RAB22A: variants seen among roughly 807,000 people sequenced by gnomAD.
RAB22A encodes the protein RAB22A, member RAS oncogene family.
A neutral mutation model predicts 30.2 loss-of-function variants in RAB22A; 13 were observed. The ratio of observed to expected loss-of-function variants is 0.43; its 90% CI spans 0.28 to 0.68. The LOEUF is 0.68. Among genes scored for constraint, RAB22A ranks in the 30% least tolerant of loss-of-function variants. The pLI, the probability that RAB22A is intolerant of heterozygous loss-of-function variation, is 0.18. For synonymous variants in RAB22A, 89 were observed against 87.2 expected (o/e 1.02, Z -0.11); for missense variants, 177 against 246.8 (o/e 0.72, Z 1.89).
intron 6 of RAB22A, 111 bp from the exon 7 acceptor site, chr20:58,359,495 C>CTTTT (rs3069388): frequency 3.1e-4 from 103 of 332,936 alleles, no homozygotes; most frequent in South Asian, 1.3e-3. Flanking sequence ...GTTTATTAAA[C>CTTTT]TTTTTTTTTT....
At chr20:58,357,502 A>G (rs505714) in intron 6 of RAB22A, among the ~76,000 whole-genome samples, 78,829 of 151,950 alleles carry the variant, frequency 0.52, 21,101 homozygotes, top group South Asian at 0.68. Context: ...GTTTAGCTGC[A>G]TTAGGTTTTT....
Position 58,362,874 on chromosome 20 carries a change from C to T in RAB22A, c.*3171C>T, listed in dbSNP as rs1249559293. 6.6e-6 allele frequency: 1 copy of T among 152,200 alleles called. No individual in the cohort carries two copies. Among genetic ancestry groups the T allele is most frequent in the Non-Finnish European group, 1.5e-5 (1 of 68,038 alleles). 9.4% of individuals were successfully genotyped at this position (152,200 alleles called of 1,614,324 possible). On this transcript the variant is annotated 3_prime_UTR_variant, in exon 7 of 7. Coordinates refer to ENST00000244040, the MANE Select transcript of RAB22A (RefSeq NM_020673.3). ...AGGATCGGGACTTTTGTGTGAGAGG[C>T]TTGAGCGCCTCCTCTATGTGGGCTG... is the stretch of plus-strand genomic sequence containing the variant.
At chr20:58,323,140 TTCTC>T (rs1487711211) in intron 2 of RAB22A, among the ~76,000 whole-genome samples, 1 of 152,210 alleles carries the variant, frequency 6.6e-6, no homozygotes, top group African/African-American at 2.4e-5. Flanking sequence ...ATTCTTGAGT[TTCTC>T]TCAGTGTTTT....
chr20:58,316,454 G>C lies in RAB22A; in HGVS notation c.116+5332G>C, dbSNP rs1986341716. ...CCACAGCAGGGATTTTCAAAGCTGA[G>C]GCTTTTTTTCAGACATGCATGTCTC... On this transcript the variant is annotated intron_variant, in intron 2 of 6. Transcript: ENST00000244040. Among the ~76,000 whole-genome samples the C allele has an allele frequency of 2.0e-5, 3 of 152,132 alleles. 1 individual carries two copies. Among genetic ancestry groups the C allele is most frequent in the Admixed American group, 2.0e-4 (3 of 15,276 alleles).
chr20:58,336,370 A>G (rs1314702819), intron 2 of RAB22A, among the ~76,000 whole-genome samples: 1 of 151,696 alleles, frequency 6.6e-6, no homozygotes, highest in Admixed American at 6.6e-5. Context: ...TTTTTGACCC[A>G]CTTCCCTTCG....
intron 3 of RAB22A, 61 bp from the exon 4 acceptor site, chr20:58,353,212 T>C: frequency 2.1e-6 from 3 of 1,421,156 alleles, no homozygotes; most frequent in South Asian, 1.2e-5. Context: ...CTTATAAATC[T>C]AGTATAAAAC....
intron 6 of RAB22A, among the ~76,000 whole-genome samples, chr20:58,359,158 A>G (rs928125079): frequency 6.6e-6 from 1 of 152,206 alleles, no homozygotes; most frequent in Non-Finnish European, 1.5e-5. Flanking sequence ...CCATGTTCTG[A>G]CTGAACTTTT....
chr20:58,322,054 T>G (rs1174017159), intron 2 of RAB22A, among the ~76,000 whole-genome samples: 1 of 152,170 alleles, frequency 6.6e-6, no homozygotes, highest in Admixed American at 6.5e-5. Flanking sequence ...TGCTGTGGCT[T>G]CACAAAGGGC....
At chr20:58,359,449 C>G (rs1384515868) in intron 6 of RAB22A, among the ~76,000 whole-genome samples, 157 bp from the exon 7 acceptor site, 1 of 149,808 alleles carries the variant, frequency 6.7e-6, no homozygotes, top group Non-Finnish European at 1.5e-5. Context: ...ATCTTTGCAG[C>G]TTTTCTATAA....
intron 3 of RAB22A, among the ~76,000 whole-genome samples, chr20:58,349,078 T>C (rs1413648697): frequency 1.3e-5 from 2 of 152,222 alleles, no homozygotes; most frequent in East Asian, 1.9e-4. Flanking sequence ...TTGAGTCTCT[T>C]ACATGCCTCC....
intron 3 of RAB22A, chr20:58,345,323 G>T (rs374608213): frequency 6.6e-6 from 1 of 152,120 alleles, no homozygotes; most frequent in Admixed American, 6.5e-5. Context: ...TAACACAAAG[G>T]TGTTTGCCTC....
intron 2 of RAB22A, among the ~76,000 whole-genome samples, chr20:58,340,878 G>T (rs1986843559): frequency 6.6e-6 from 1 of 152,238 alleles, no homozygotes; most frequent in South Asian, 2.1e-4. Flanking sequence ...CCAGGGGAGA[G>T]CCAGTGGGAA....
intron 2 of RAB22A, among the ~76,000 whole-genome samples, chr20:58,331,930 G>A (rs530981530): frequency 2.0e-5 from 3 of 152,100 alleles, no homozygotes; most frequent in South Asian, 2.1e-4. Flanking sequence ...CTTTCTCCTC[G>A]GTCATCCCCA....
intron 3 of RAB22A, among the ~76,000 whole-genome samples, chr20:58,351,652 A>G (rs1309657787): frequency 2.0e-5 from 3 of 152,188 alleles, no homozygotes; most frequent in Non-Finnish European, 2.9e-5. Flanking sequence ...CATCTCTACT[A>G]AAAATACAAA....
chr20:58,310,683 C>T (rs1012034698), intron 1 of RAB22A, among the ~76,000 whole-genome samples: 2 of 152,162 alleles, frequency 1.3e-5, no homozygotes, highest in African/African-American at 4.8e-5. Context: ...CTTTATTCCC[C>T]CAAATAGGGT....
rs151113121 is a variant in RAB22A at position 58,311,076 on chromosome 20, C to A, written c.70C>A (p.Arg24=). Residue 24 remains arginine, a synonymous_variant, in exon 2 of 7, where the codon CGG becomes AGG. Coordinates refer to ENST00000244040, the MANE Select transcript of RAB22A (RefSeq NM_020673.3). ...TGTAGGTAAATCGAGTATTGTGTGG[C>A]GGTTTGTGGAAGACAGTTTTGATCC... The part of the protein sequence containing the change: ...TGVGKSSIVW[R]FVEDSFDPNI... 1.9e-4 allele frequency: 313 copies of A among 1,606,528 alleles called. No homozygotes were observed. Among genetic ancestry groups the A allele is most frequent in the Middle Eastern group, 1.5e-3 (9 of 6,050 alleles).
chr20:58,342,897 C>T (rs979910237), intron 2 of RAB22A, among the ~76,000 whole-genome samples: 3 of 152,042 alleles, frequency 2.0e-5, no homozygotes, highest in East Asian at 1.9e-4. Context: ...AGTGTCCAGG[C>T]GTGTCTTCTG....
chr20:58,326,480 TTTTG>T (rs955378636), intron 2 of RAB22A, among the ~76,000 whole-genome samples: 25 of 152,274 alleles, frequency 1.6e-4, no homozygotes, highest in Admixed American at 3.9e-4. Context: ...TCCCAGAGTT[TTTTG>T]TTTGTTTGTT....
At chr20:58,359,445 G>T (rs1010190601) in intron 6 of RAB22A, among the ~76,000 whole-genome samples, 161 bp from the exon 7 acceptor site, 1 of 151,036 alleles carries the variant, frequency 6.6e-6, no homozygotes, top group African/African-American at 2.4e-5. Flanking sequence ...TATCATCTTT[G>T]CAGCTTTTCT....
Sources: allele counts gnomAD v4.1 joint callset (sites outside exome capture counted in the v4.1 genomes callset), GRCh38; gene constraint gnomAD v4.1.1; transcripts MANE v1.5; gene names NCBI Gene and HGNC (gene_info 2026-07-23, HGNC 2026-07-21).